Variants in BTG4 observed in about 807,000 individuals in gnomAD.
BTG4 encodes protein BTG4.
Under a neutral mutation model 19.3 loss-of-function variants are expected in BTG4, and 10 were observed. The ratio of observed to expected loss-of-function variants is 0.52; its 90% CI spans 0.32 to 0.88. The LOEUF (loss-of-function observed/expected upper bound fraction) is 0.88. BTG4 is among the 40% of genes least tolerant of loss of function. The pLI is 0.04. For missense variants in BTG4, 238 were observed against 281.9 expected (o/e 0.84, Z 1.11); for synonymous variants, 91 against 95.7 (o/e 0.95, Z 0.29).
chr11:111,423,525 C>T, the BTG4 span, among the ~76,000 whole-genome samples: 576 of 152,280 alleles, frequency 3.8e-3, 3 homozygotes, highest in African/African-American at 0.013. Context: ...CTACTAACTA[C>T]CTCCCAGAGA....
At chr11:111,419,099 T>C in the BTG4 span, among the ~76,000 whole-genome samples, 2 of 152,242 alleles carry the variant, frequency 1.3e-5, no homozygotes, top group African/African-American at 4.8e-5. Flanking sequence ...CCTACTCATA[T>C]GACCTCATTT....
At chr11:111,444,138 G>A in the BTG4 span, among the ~76,000 whole-genome samples, 3 of 152,024 alleles carry the variant, frequency 2.0e-5, no homozygotes, top group Admixed American at 6.6e-5. Flanking sequence ...CAATGACAAT[G>A]TTCCATGAAC....
At chr11:111,400,274 T>C in the BTG4 span, among the ~76,000 whole-genome samples, 1 of 152,214 alleles carries the variant, frequency 6.6e-6, no homozygotes, top group African/African-American at 2.4e-5. Flanking sequence ...TGAACTACTA[T>C]TGAGTCTCTT....
the BTG4 span, among the ~76,000 whole-genome samples, chr11:111,430,185 C>G: frequency 6.6e-6 from 1 of 152,100 alleles, no homozygotes; most frequent in African/African-American, 2.4e-5. Context: ...CGACACGTGC[C>G]CAAGGTTGCC....
the BTG4 span, chr11:111,450,627 A>G: frequency 6.6e-6 from 1 of 152,148 alleles, no homozygotes; most frequent in Non-Finnish European, 1.5e-5. Context: ...ACCCCCCTCA[A>G]TGTTTCAGAA....
At chr11:111,503,577 T>G (rs1337254874) in intron 1 of BTG4, among the ~76,000 whole-genome samples, 1 of 151,244 alleles carries the variant, frequency 6.6e-6, no homozygotes, top group East Asian at 1.9e-4. Context: ...AACAGGATGG[T>G]GTTCTGTTTG....
the BTG4 span, among the ~76,000 whole-genome samples, chr11:111,426,789 C>T: frequency 1.3e-5 from 2 of 152,242 alleles, no homozygotes; most frequent in African/African-American, 4.8e-5. Context: ...GGCAGGCAGG[C>T]CCGGGCAGGT....
the BTG4 span, among the ~76,000 whole-genome samples, chr11:111,418,822 C>A: frequency 6.6e-6 from 1 of 152,202 alleles, no homozygotes; most frequent in African/African-American, 2.4e-5. Flanking sequence ...ACCCTCTCTG[C>A]CACGTCTGCA....
At chr11:111,454,258 G>A in the BTG4 span, 1 of 456,150 alleles carries the variant, frequency 2.2e-6, no homozygotes, top group Non-Finnish European at 4.4e-6. Flanking sequence ...AGGCTGAGGA[G>A]CAGGTAGATC....
At chr11:111,463,629 C>G (rs1037498348), downstream of BTG4, 1 of 152,374 alleles carries the variant, frequency 6.6e-6, no homozygotes, top group African/African-American at 2.4e-5. Context: ...TTAGAGGAAC[C>G]AAATGCATTA....
the BTG4 span, among the ~76,000 whole-genome samples, chr11:111,410,211 C>G: frequency 6.6e-6 from 1 of 151,526 alleles, no homozygotes; most frequent in Non-Finnish European, 1.5e-5. Flanking sequence ...GGTTTTGGCT[C>G]TGTCACCTCA....
the BTG4 span, among the ~76,000 whole-genome samples, chr11:111,388,312 G>C: frequency 1.4e-5 from 2 of 147,972 alleles, no homozygotes; most frequent in African/African-American, 5.2e-5. Context: ...TTGGTTGGTT[G>C]GTTGGTTGGT....
chr11:111,406,045 C>T, the BTG4 span, among the ~76,000 whole-genome samples: 1 of 152,186 alleles, frequency 6.6e-6, no homozygotes, highest in Admixed American at 6.5e-5. Context: ...TTTCTCCCAA[C>T]AAATCTGTGT....
At chr11:111,476,955 G>A (rs1893874) in intron 5 of BTG4, among the ~76,000 whole-genome samples, 5,369 of 152,276 alleles carry the variant, frequency 0.035, 178 homozygotes, top group Admixed American at 0.09. Context: ...GCAGAGTGAA[G>A]ATTAATTAAG....
downstream of BTG4, among the ~76,000 whole-genome samples, chr11:111,490,476 A>G (rs1010247958): frequency 6.6e-6 from 1 of 152,200 alleles, no homozygotes; most frequent in Non-Finnish European, 1.5e-5. Flanking sequence ...TTTTTAAAAT[A>G]CAAGGTACAA....
At chr11:111,513,881 T>C (rs568407275), upstream of BTG4, among the ~76,000 whole-genome samples, 7 of 152,326 alleles carry the variant, frequency 4.6e-5, no homozygotes, top group African/African-American at 1.7e-4. Flanking sequence ...TAAAGTGCCA[T>C]AAAGACATAA....
the BTG4 span, among the ~76,000 whole-genome samples, chr11:111,402,788 C>T: frequency 0.033 from 5,041 of 152,214 alleles, 118 homozygotes; most frequent in Middle Eastern, 0.14. Flanking sequence ...TTCTCCCAAC[C>T]GGCCTTCAAT....
At chr11:111,499,380 G>C (rs1865931433) in intron 1 of BTG4, among the ~76,000 whole-genome samples, 1 of 152,324 alleles carries the variant, frequency 6.6e-6, no homozygotes, top group Non-Finnish European at 1.5e-5. Flanking sequence ...CCTAAAGGCT[G>C]ATGGATGTTT....
the BTG4 span, chr11:111,401,129 A>G: frequency 6.6e-6 from 1 of 150,394 alleles, no homozygotes; most frequent in African/African-American, 2.4e-5. Context: ...AGTTCATGGT[A>G]TTACATAAAT....
Sources: allele counts gnomAD v4.1 joint callset (sites outside exome capture counted in the v4.1 genomes callset), GRCh38; gene constraint gnomAD v4.1.1; transcripts MANE v1.5; gene names NCBI Gene and HGNC (gene_info 2026-07-23, HGNC 2026-07-21).